PLEKHS1: variants seen among roughly 807,000 people sequenced by gnomAD.
PLEKHS1 encodes the protein pleckstrin homology domain containing S1, also known as pleckstrin homology domain-containing family S member 1.
Under a neutral mutation model 51.0 loss-of-function variants are expected in PLEKHS1, and 55 were observed. The ratio of observed to expected loss-of-function variants is 1.08; its 90% CI spans 0.87 to 1.35. PLEKHS1 has a LOEUF of 1.35. Ranked by LOEUF, PLEKHS1 falls within the 40% of genes most tolerant of loss-of-function variation. The pLI, the probability that PLEKHS1 is intolerant of heterozygous loss-of-function variation, is 0.00. For missense variants in PLEKHS1, 398 were observed against 423.0 expected (o/e 0.94, Z 0.52); for synonymous variants, 153 against 144.8 (o/e 1.06, Z -0.41).
chr10:113,769,844 T>G, exon 7 of PLEKHS1: 1 of 1,614,042 alleles, frequency 6.2e-7, no homozygotes, highest in Non-Finnish European at 8.5e-7. Context: ...CCTTGGCCCT[T>G]CCAGCACATC....
chr10:113,767,922 T>C (rs1477041071), intron 5 of PLEKHS1, among the ~76,000 whole-genome samples: 1 of 152,140 alleles, frequency 6.6e-6, no homozygotes, highest in African/African-American at 2.4e-5. Flanking sequence ...TATAAGAACA[T>C]CAGTAATATT....
chr10:113,780,730 C>T (rs1252340239), exon 12 of PLEKHS1: 2 of 1,601,998 alleles, frequency 1.2e-6, no homozygotes, highest in Admixed American at 3.4e-5. Context: ...ACAGAGCTCC[C>T]AAGAGGAGTC....
At chr10:113,777,574 G>C (rs1468115010) in intron 11 of PLEKHS1, 2 of 1,550,730 alleles carry the variant, frequency 1.3e-6, no homozygotes, top group Non-Finnish European at 1.7e-6. Flanking sequence ...CAACCAATTT[G>C]TGCCTCAGTT....
intron 1 of PLEKHS1, among the ~76,000 whole-genome samples, chr10:113,752,330 T>C (rs1853879842): frequency 1.3e-5 from 2 of 152,216 alleles, no homozygotes; most frequent in African/African-American, 4.8e-5. Context: ...TTTATATGTA[T>C]ATGTGAAATT....
chr10:113,754,378 C>T (rs1853998855), intron 1 of PLEKHS1, among the ~76,000 whole-genome samples: 1 of 152,152 alleles, frequency 6.6e-6, no homozygotes, highest in Non-Finnish European at 1.5e-5. Context: ...CTCACTTGCC[C>T]TGCAGCCCTT....
intron 11 of PLEKHS1, among the ~76,000 whole-genome samples, chr10:113,776,147 A>T (rs1003083050): frequency 5.9e-5 from 9 of 152,204 alleles, no homozygotes; most frequent in Non-Finnish European, 1.2e-4. Flanking sequence ...AGGGGCTGGG[A>T]TACAGGTGGC....
chr10:113,780,761 C>G (rs1457874781), exon 12 of PLEKHS1: 1 of 1,562,592 alleles, frequency 6.4e-7, no homozygotes, highest in Admixed American at 1.9e-5. Context: ...AAAGAGCCAG[C>G]AGAAAGGAGC....
downstream of PLEKHS1, chr10:113,783,142 G>A (rs963508253): frequency 2.0e-5 from 3 of 152,006 alleles, no homozygotes; most frequent in East Asian, 5.8e-4. Context: ...GGCTGGGGCA[G>A]GAGAATCACT....
chr10:113,773,907 G>T (rs908909185), intron 8 of PLEKHS1, among the ~76,000 whole-genome samples: 1 of 152,190 alleles, frequency 6.6e-6, no homozygotes, highest in African/African-American at 2.4e-5. Context: ...TAGTAGAACT[G>T]ATTGGGGAAA....
At chr10:113,771,738 T>C (rs143585817) in intron 7 of PLEKHS1, among the ~76,000 whole-genome samples, 97 of 151,346 alleles carry the variant, frequency 6.4e-4, no homozygotes, top group African/African-American at 2.3e-3. Context: ...TGAGTGACTG[T>C]TCCAAACGGT....
At chr10:113,755,576 C>T (rs563092617) in intron 2 of PLEKHS1, among the ~76,000 whole-genome samples, 24 of 152,010 alleles carry the variant, frequency 1.6e-4, no homozygotes, top group African/African-American at 4.8e-4. Context: ...GCCTAATTTT[C>T]GTATTTTTAG....
exon 12 of PLEKHS1, chr10:113,780,786 C>A (rs1271969459): frequency 6.5e-7 from 1 of 1,542,082 alleles, no homozygotes; most frequent in Non-Finnish European, 8.7e-7. Flanking sequence ...GAGTAACGCA[C>A]CCCAGACCCA....
intron 2 of PLEKHS1, among the ~76,000 whole-genome samples, chr10:113,764,256 A>G (rs1265092427): frequency 1.3e-5 from 2 of 151,988 alleles, no homozygotes; most frequent in Non-Finnish European, 2.9e-5. Flanking sequence ...TTGCACCACC[A>G]TGCCCGGCTA....
Position 113,752,868 on chromosome 10 carries a change from G to C in PLEKHS1, c.-20+1107G>C, listed in dbSNP as rs566072385. On this transcript the variant is annotated intron_variant, in intron 1 of 11. Coordinates refer to ENST00000361048, the Ensembl canonical transcript of PLEKHS1. Reference sequence around the variant, plus strand: ...GGCACAGGGAGGGCAAATGTTATTTGGGAGTGTCCATGAGCATGAATGTGG... The same window carrying C: ...GGCACAGGGAGGGCAAATGTTATTTCGGAGTGTCCATGAGCATGAATGTGG... Among the ~76,000 whole-genome samples, 3 of 152,280 alleles carry C rather than the reference G, an allele frequency of 2.0e-5. No individual in the cohort carries two copies. In the East Asian group the frequency reaches 5.8e-4, roughly 29 times the overall value.
chr10:113,770,147 G>T (rs1844341044), intron 7 of PLEKHS1, among the ~76,000 whole-genome samples: 2 of 152,262 alleles, frequency 1.3e-5, no homozygotes, highest in Non-Finnish European at 1.5e-5. Context: ...GTATGCTAGG[G>T]TAAGACCCCT....
chr10:113,778,493 T>C (rs780232432), intron 11 of PLEKHS1, among the ~76,000 whole-genome samples: 9 of 152,212 alleles, frequency 5.9e-5, no homozygotes, highest in Non-Finnish European at 1.2e-4. Flanking sequence ...TTATCTCTTC[T>C]GCACTACGTA....
chr10:113,769,666 C>A, intron 6 of PLEKHS1, 118 bp from the exon 7 acceptor site: 1 of 711,146 alleles, frequency 1.4e-6, no homozygotes, highest in South Asian at 1.6e-5. Flanking sequence ...AGGCCAGCGG[C>A]ATGAATGTTA....
intron 2 of PLEKHS1, chr10:113,765,526 AGCAG>A: frequency 1.6e-6 from 1 of 616,532 alleles, no homozygotes; most frequent in East Asian, 2.7e-5. Context: ...CCTTTGGCTT[AGCAG>A]ACAAAAGCAA....
chr10:113,775,244 G>A (rs985509250), intron 10 of PLEKHS1, among the ~76,000 whole-genome samples: 2 of 151,892 alleles, frequency 1.3e-5, no homozygotes, highest in Non-Finnish European at 2.9e-5. Flanking sequence ...TGGGGCGGGG[G>A]GTGGCATTTT....
Sources: allele counts gnomAD v4.1 joint callset (sites outside exome capture counted in the v4.1 genomes callset), GRCh38; gene constraint gnomAD v4.1.1; transcripts MANE v1.5; gene names NCBI Gene and HGNC (gene_info 2026-07-23, HGNC 2026-07-21).